The following CAST variants were observed in gnomAD, a reference collection of about 807,000 sequenced individuals.
The protein encoded by CAST is calpastatin.
A neutral mutation model predicts 119.6 loss-of-function variants in CAST; 76 were observed. That is an observed-to-expected ratio of 0.64 (90% CI 0.53 to 0.77). The LOEUF (loss-of-function observed/expected upper bound fraction) is 0.77. CAST is among the 30% of genes least tolerant of loss of function. CAST has a pLI of 0.00. For missense variants in CAST, 953 were observed against 946.5 expected, an observed-to-expected ratio of 1.01 and a Z score of -0.09; for synonymous variants, 319 against 331.6, an observed-to-expected ratio of 0.96 and a Z score of 0.41.
At chr5:96,454,383 C>T in the CAST span, among the ~76,000 whole-genome samples, 12 of 152,202 alleles carry the variant, frequency 7.9e-5, no homozygotes, top group Admixed American at 3.3e-4. Flanking sequence ...TAAAATGCTA[C>T]ACTGCTACTT....
At chr5:96,549,615 G>T (rs899890115) in intron 1 of CAST, among the ~76,000 whole-genome samples, 2 of 152,176 alleles carry the variant, frequency 1.3e-5, no homozygotes, top group African/African-American at 4.8e-5. Context: ...AGCACAGGGG[G>T]TTGGGGGATT....
chr5:96,734,933 A>G lies in CAST; in HGVS notation c.631-1239A>G, dbSNP rs1344404542. Reference sequence around the variant, plus strand: ...TAGGAGGAAAGGGAGAGGAAGAGAAAGAGTGGATGGAATAGAAAGATAGTG... The same window carrying G: ...TAGGAGGAAAGGGAGAGGAAGAGAAGGAGTGGATGGAATAGAAAGATAGTG... On this transcript the variant is annotated intron_variant, in intron 9 of 31. Coordinates refer to ENST00000675179, the MANE Select transcript of CAST (RefSeq NM_001750.7). 3.9e-5 allele frequency among the ~76,000 whole-genome samples: 6 copies of G among 152,272 alleles called. No homozygotes were observed. In the South Asian group the frequency reaches 8.3e-4, roughly 21 times the overall value.
the CAST span, among the ~76,000 whole-genome samples, chr5:96,467,399 C>A: frequency 6.6e-6 from 1 of 151,972 alleles, no homozygotes; most frequent in Admixed American, 6.6e-5. Flanking sequence ...AGAAAGACTT[C>A]CCCTATACTG....
intron 1 of CAST, among the ~76,000 whole-genome samples, chr5:96,605,739 T>C (rs1397886501): frequency 6.6e-6 from 1 of 152,224 alleles, no homozygotes; most frequent in African/African-American, 2.4e-5. Context: ...TCTTATTTCA[T>C]AAGGTAAAGT....
At chr5:96,059,494 T>TA in the CAST span, among the ~76,000 whole-genome samples, 2 of 152,126 alleles carry the variant, frequency 1.3e-5, no homozygotes, top group Admixed American at 1.3e-4. Context: ...TTTACTCAGG[T>TA]AACTATCCTG....
chr5:96,137,469 AC>A, the CAST span, among the ~76,000 whole-genome samples: 2 of 152,132 alleles, frequency 1.3e-5, no homozygotes, highest in South Asian at 4.1e-4. Flanking sequence ...ACTTCTGAAA[AC>A]ATTCATGCTC....
the CAST span, among the ~76,000 whole-genome samples, chr5:96,407,481 A>G: frequency 7.3e-5 from 11 of 151,088 alleles, no homozygotes; most frequent in African/African-American, 2.5e-4. Flanking sequence ...ACTTTCACAC[A>G]TATATTCCTG....
At chr5:96,498,475 G>C in the CAST span, among the ~76,000 whole-genome samples, 3 of 152,244 alleles carry the variant, frequency 2.0e-5, no homozygotes, top group South Asian at 6.2e-4. Context: ...TCCTTTGAAA[G>C]GATAAACCTC....
At chr5:96,267,564 G>T in the CAST span, among the ~76,000 whole-genome samples, 1 of 152,104 alleles carries the variant, frequency 6.6e-6, no homozygotes, top group Admixed American at 6.5e-5. Flanking sequence ...TAAGAGTATT[G>T]TATCCAGCAA....
At chr5:96,234,704 C>G in the CAST span, among the ~76,000 whole-genome samples, 1 of 152,166 alleles carries the variant, frequency 6.6e-6, no homozygotes, top group African/African-American at 2.4e-5. Flanking sequence ...CAAGTTTTCT[C>G]TTTTTCCAGT....
chr5:96,705,605 A>T (rs980570027), intron 3 of CAST, among the ~76,000 whole-genome samples: 4 of 152,086 alleles, frequency 2.6e-5, no homozygotes, highest in Non-Finnish European at 5.9e-5. Context: ...AGGTGACTGT[A>T]ATAGGTTCTA....
the CAST span, among the ~76,000 whole-genome samples, chr5:96,498,835 C>G: frequency 1.3e-5 from 2 of 152,248 alleles, no homozygotes; most frequent in African/African-American, 2.4e-5. Flanking sequence ...GGCTACATGG[C>G]TCACATTCAG....
the CAST span, among the ~76,000 whole-genome samples, chr5:96,457,882 T>C: frequency 6.6e-6 from 1 of 152,362 alleles, no homozygotes; most frequent in African/African-American, 2.4e-5. Context: ...GACTCATTTG[T>C]GCAGCTTGTA....
At chr5:95,983,497 T>C in the CAST span, among the ~76,000 whole-genome samples, 15 of 152,070 alleles carry the variant, frequency 9.9e-5, no homozygotes, top group Non-Finnish European at 1.9e-4. Context: ...GTTATGGGAA[T>C]GTGGGGTAGG....
intron 1 of CAST, among the ~76,000 whole-genome samples, chr5:96,586,130 C>T (rs76155204): frequency 0.019 from 2,888 of 152,100 alleles, 87 homozygotes; most frequent in African/African-American, 0.058. Flanking sequence ...TTTTATTATC[C>T]CATTTTATAG....
chr5:96,035,759 T>TTG, the CAST span, among the ~76,000 whole-genome samples: 82,003 of 149,504 alleles, frequency 0.55, 22,933 homozygotes, highest in Middle Eastern at 0.63. Flanking sequence ...GTCTGTGTGT[T>TTG]TGTGTGTGTG....
chr5:96,419,310 GAT>G, the CAST span, among the ~76,000 whole-genome samples: 2,060 of 142,144 alleles, frequency 0.014, 38 homozygotes, highest in African/African-American at 0.049. Flanking sequence ...TATTAAGTGA[GAT>G]ATATATATAT....
the CAST span, among the ~76,000 whole-genome samples, chr5:96,134,504 C>T: frequency 1.0e-3 from 153 of 152,300 alleles, no homozygotes; most frequent in Non-Finnish European, 1.9e-3. Flanking sequence ...GCCTTTAGGG[C>T]GACCCAAGGG....
the CAST span, among the ~76,000 whole-genome samples, chr5:96,396,373 C>G: frequency 6.6e-6 from 1 of 152,016 alleles, no homozygotes; most frequent in Non-Finnish European, 1.5e-5. Context: ...CCAGCCTGAC[C>G]AACATGGTGA....
Sources: gnomAD v4.1 joint callset for allele counts (sites outside exome capture counted in the v4.1 genomes callset) on GRCh38, gnomAD v4.1.1 for gene constraint, MANE v1.5 for transcripts, NCBI Gene and HGNC (gene_info 2026-07-23, HGNC 2026-07-21) for gene names.